CUX2: variants seen among roughly 807,000 people sequenced by gnomAD.
CUX2 encodes homeobox protein cut-like 2.
In CUX2, 40 loss-of-function variants were observed where a neutral mutation model predicts 144.8. The ratio of observed to expected loss-of-function variants is 0.28; its 90% CI spans 0.21 to 0.36. The LOEUF is 0.36. Among genes scored for constraint, CUX2 ranks in the 10% least tolerant of loss-of-function variants. CUX2 has a pLI of 1.00. For synonymous variants in CUX2, 827 were observed against 875.6 expected (o/e 0.94, Z 0.98); for missense variants, 1,615 against 1,994.0 (o/e 0.81, Z 3.62).
chr12:111,238,858 A>G (rs536544645), intron 3 of CUX2, among the ~76,000 whole-genome samples: 30 of 152,278 alleles, frequency 2.0e-4, no homozygotes, highest in Admixed American at 1.3e-4. Context: ...CAGCCTGGCC[A>G]ATATGGCAAA....
chr12:111,094,959 T>C (rs565757234), intron 1 of CUX2, among the ~76,000 whole-genome samples: 4 of 152,182 alleles, frequency 2.6e-5, no homozygotes, highest in East Asian at 1.9e-4. Flanking sequence ...AGTTACAGAA[T>C]TGTCCCCTGG....
At chr12:111,102,933 C>T (rs1465669834) in intron 1 of CUX2, among the ~76,000 whole-genome samples, 7 of 152,076 alleles carry the variant, frequency 4.6e-5, no homozygotes, top group Non-Finnish European at 1.0e-4. Context: ...TATTCCTTAC[C>T]AGTTTAATGA....
chr12:111,334,780 G>T, intron 19 of CUX2, 70 bp downstream of exon 19: 1 of 1,495,338 alleles, frequency 6.7e-7, no homozygotes, highest in Middle Eastern at 2.4e-4. Flanking sequence ...TTGAAAAGGT[G>T]TCTGGAGCTG....
chr12:111,090,472 C>G (rs1378496195), intron 1 of CUX2, among the ~76,000 whole-genome samples: 1 of 152,134 alleles, frequency 6.6e-6, no homozygotes, highest in Non-Finnish European at 1.5e-5. Context: ...ACCATGTTGG[C>G]CAGGCTGATC....
At chr12:111,156,530 G>A (rs1244918646) in intron 1 of CUX2, among the ~76,000 whole-genome samples, 5 of 152,198 alleles carry the variant, frequency 3.3e-5, no homozygotes, top group South Asian at 2.1e-4. Flanking sequence ...GACCCCTAGC[G>A]TCTTTCTCTG....
Position 111,059,366 on chromosome 12 carries a change from A to G in CUX2, c.63+25126A>G, listed in dbSNP as rs1047635655. Among the ~76,000 whole-genome samples, 11 of 152,218 alleles carry G rather than the reference A, an allele frequency of 7.2e-5. No homozygotes were observed. The highest frequency in any genetic ancestry group is 1.9e-4 in the African/African-American group (8 of 41,456). ...TGGGTAGAAATAACCATATCGCCCA[A>G]ATGTTCTTGATAAGGCTAGGTGCCC... is the stretch of plus-strand genomic sequence containing the variant. On this transcript the variant is annotated intron_variant, in intron 1 of 21. Transcript: ENST00000261726. The surrounding 1 kb of genome is among the most constrained non-coding windows in gnomAD (Gnocchi z 5.3).
chr12:111,287,349 G>A lies in CUX2; in HGVS notation c.302-4069G>A, dbSNP rs776907390. On this transcript the variant is annotated intron_variant, in intron 4 of 21. Coordinates refer to ENST00000261726, the MANE Select transcript of CUX2 (RefSeq NM_015267.4). This position sits in a 1 kb window ranked among gnomAD's most constrained non-coding sequence, Gnocchi z 4.2. ...AGCCCTCCGTGGCCCTGCGCAGTCC[G>A]CGTGGCACCGCACCGTCTTGTGTTT... Among the ~76,000 whole-genome samples, 19 of 152,220 alleles carry A rather than the reference G, an allele frequency of 1.2e-4. No homozygotes were observed. Among genetic ancestry groups the A allele is most frequent in the South Asian group, 2.1e-4 (1 of 4,836 alleles).
chr12:111,061,178 G>GCACACACACACACACA lies in CUX2; in HGVS notation c.63+26961_63+26976dup, dbSNP rs10525230. Among the ~76,000 whole-genome samples, 22 of 143,728 alleles carry GCACACACACACACACA rather than the reference G, an allele frequency of 1.5e-4. No homozygotes were observed. The highest frequency in any genetic ancestry group is 4.6e-4 in the African/African-American group (18 of 39,344). 94.3% of individuals were successfully genotyped at this position (143,728 alleles called of 152,430 possible). A position where few individuals can be genotyped will look rare whatever the true frequency, so the allele number is the denominator to read the frequency against. ...TGTCCCCAGATGTGTGCATGCATAT[G>GCACACACACACACACA]CACACACACACACACACACACACAC... On this transcript the variant is annotated intron_variant, in intron 1 of 21. Coordinates refer to ENST00000261726, the MANE Select transcript of CUX2 (RefSeq NM_015267.4). The surrounding 1 kb of genome is among the most constrained non-coding windows in gnomAD (Gnocchi z 4.2).
At chr12:111,210,987 A>C (rs752216265) in intron 1 of CUX2, among the ~76,000 whole-genome samples, 28 of 152,126 alleles carry the variant, frequency 1.8e-4, no homozygotes, top group Non-Finnish European at 3.1e-4. Context: ...ATTAGAATTG[A>C]CTGTAGTATA....
intron 1 of CUX2, among the ~76,000 whole-genome samples, chr12:111,128,811 T>G (rs1875254918): frequency 6.6e-6 from 1 of 152,214 alleles, no homozygotes; most frequent in Non-Finnish European, 1.5e-5. Flanking sequence ...GATAGCATCC[T>G]TATCTGCCAC....
intron 1 of CUX2, among the ~76,000 whole-genome samples, chr12:111,078,713 T>G (rs1313120947): frequency 6.6e-6 from 1 of 151,652 alleles, no homozygotes; most frequent in Non-Finnish European, 1.5e-5. Context: ...TTCTATACAG[T>G]GCAATGGGGA....
At position 111,035,734 on chromosome 12, in the gene CUX2, C is replaced by G. The variant is rs1257939110; in HGVS notation, c.63+1494C>G. 1.3e-5 allele frequency among the ~76,000 whole-genome samples: 2 copies of G among 152,056 alleles called. No individual in the cohort carries two copies. The highest frequency in any genetic ancestry group is 3.9e-4 in the East Asian group (2 of 5,188). On this transcript the variant is annotated intron_variant, in intron 1 of 21. Transcript: ENST00000261726. This position sits in a 1 kb window ranked among gnomAD's most constrained non-coding sequence, Gnocchi z 6.0. ...CCAGTCCCCGTCCTTCCGAACGCCC[C>G]ACTCCTCGCTCTCCCCCTCCCCCAA...
At chr12:111,172,911 C>G (rs568714784) in intron 1 of CUX2, among the ~76,000 whole-genome samples, 18 of 152,352 alleles carry the variant, frequency 1.2e-4, no homozygotes, top group African/African-American at 4.3e-4. Context: ...AGCTTTAGCT[C>G]CAAGAGCTGA....
At chr12:111,244,700 C>G (rs973184978) in intron 3 of CUX2, among the ~76,000 whole-genome samples, 7 of 152,252 alleles carry the variant, frequency 4.6e-5, no homozygotes, top group African/African-American at 1.7e-4. Context: ...CCTAGTCAAT[C>G]CCAAGGCAGG....
chr12:111,164,187 T>C (rs1199182819), intron 1 of CUX2, among the ~76,000 whole-genome samples: 1 of 152,074 alleles, frequency 6.6e-6, no homozygotes, highest in African/African-American at 2.4e-5. Context: ...ATGGAGGGAA[T>C]TGTCAGCTCC....
At chr12:111,240,454 C>A (rs902101655) in intron 3 of CUX2, among the ~76,000 whole-genome samples, 1 of 152,222 alleles carries the variant, frequency 6.6e-6, no homozygotes, top group Non-Finnish European at 1.5e-5. Flanking sequence ...AGCTAACAAC[C>A]CAGACCAGTC....
chr12:111,055,179 A>G (rs1870461374), intron 1 of CUX2, among the ~76,000 whole-genome samples: 1 of 152,112 alleles, frequency 6.6e-6, no homozygotes, highest in African/African-American at 2.4e-5. Flanking sequence ...TGGCCTCATA[A>G]AGGTCTAATG....
Position 111,068,306 on chromosome 12 carries a change from G to C in CUX2, c.63+34066G>C, listed in dbSNP as rs982978729. ...CTTTCTTGGATTTGCTCTGGGGTTGGCTTCCTCGAACCAAAATAACTCTCA... is the reference window on the plus strand; with the variant it reads ...CTTTCTTGGATTTGCTCTGGGGTTGCCTTCCTCGAACCAAAATAACTCTCA... On this transcript the variant is annotated intron_variant, in intron 1 of 21. Transcript: ENST00000261726. The surrounding 1 kb of genome is among the most constrained non-coding windows in gnomAD (Gnocchi z 4.9). Among the ~76,000 whole-genome samples, 1 of 152,094 alleles carries C rather than the reference G, an allele frequency of 6.6e-6. No individual in the cohort carries two copies. The highest frequency in any genetic ancestry group is 1.5e-5 in the Non-Finnish European group (1 of 68,034).
chr12:111,077,264 AAG>A lies in CUX2; in HGVS notation c.63+43027_63+43028del, dbSNP rs112489524. Among the ~76,000 whole-genome samples, 1,029 of 152,302 alleles carry A rather than the reference AAG, an allele frequency of 6.8e-3. 15 individuals are homozygous for A. The highest frequency in any genetic ancestry group is 0.023 in the African/African-American group (976 of 41,572). ...CTGCCTGCCCTGCTTGGGGAGTTGA[AAG>A]AGGCCTTTCCTTGAAACGCGCAGCC... On this transcript the variant is annotated intron_variant, in intron 1 of 21. Coordinates refer to ENST00000261726, the MANE Select transcript of CUX2 (RefSeq NM_015267.4). This position sits in a 1 kb window ranked among gnomAD's most constrained non-coding sequence, Gnocchi z 4.1.
Sources: allele counts gnomAD v4.1 joint callset (sites outside exome capture counted in the v4.1 genomes callset), GRCh38; gene constraint gnomAD v4.1.1; non-coding constraint Gnocchi (gnomAD v3.1); transcripts MANE v1.5; gene names NCBI Gene and HGNC (gene_info 2026-07-23, HGNC 2026-07-21).